Variants in MYO16 observed in about 807,000 individuals in gnomAD.
MYO16 encodes the protein unconventional myosin-XVI.
A neutral mutation model predicts 205.3 loss-of-function variants in MYO16; 94 were observed. That is an observed-to-expected ratio of 0.46 (90% CI 0.39 to 0.54). MYO16 has a LOEUF of 0.54. Among genes scored for constraint, MYO16 ranks in the 20% least tolerant of loss-of-function variants. The pLI is 0.00. For synonymous variants in MYO16, 988 were observed against 954.0 expected, an observed-to-expected ratio of 1.04 and a Z score of -0.66; for missense variants, 2,315 against 2,387.5, an observed-to-expected ratio of 0.97 and a Z score of 0.63.
chr13:108,906,383 T>G (rs1880979002), intron 15 of MYO16, among the ~76,000 whole-genome samples: 2 of 152,224 alleles, frequency 1.3e-5, no homozygotes, highest in Admixed American at 6.5e-5. Flanking sequence ...TTAGGAAATT[T>G]AAACCTTAAA....
intron 4 of MYO16, among the ~76,000 whole-genome samples, chr13:108,740,109 G>T (rs1353767902): frequency 6.7e-6 from 1 of 148,966 alleles, no homozygotes; most frequent in African/African-American, 2.5e-5. Context: ...GAGAAGTTTG[G>T]TTGTCTGAAG....
chr13:109,090,548 G>A (rs1028054781), intron 27 of MYO16, among the ~76,000 whole-genome samples: 4 of 152,168 alleles, frequency 2.6e-5, no homozygotes, highest in Non-Finnish European at 5.9e-5. Flanking sequence ...GCAAGAAGGG[G>A]TGGGCAGGAG....
the MYO16 span, among the ~76,000 whole-genome samples, chr13:108,508,666 T>C: frequency 1.3e-5 from 2 of 152,176 alleles, no homozygotes; most frequent in Admixed American, 1.3e-4. Context: ...TTGAGAGTTT[T>C]CTCCCAGCTG....
At chr13:108,844,602 C>A in intron 10 of MYO16, 109 bp downstream of exon 10, 1 of 1,092,524 alleles carries the variant, frequency 9.2e-7, no homozygotes, top group Non-Finnish European at 1.3e-6. Flanking sequence ...CATTCAAAGA[C>A]AATTAATGCA....
intron 10 of MYO16, 28 bp downstream of exon 10, chr13:108,844,521 C>G (rs1269604378): frequency 6.4e-7 from 1 of 1,555,710 alleles, no homozygotes; most frequent in Non-Finnish European, 8.7e-7. Flanking sequence ...GTGTGTCTAC[C>G]AGTACTTTTT....
intron 10 of MYO16, among the ~76,000 whole-genome samples, chr13:108,849,267 T>C (rs1456230831): frequency 1.3e-5 from 2 of 152,166 alleles, no homozygotes; most frequent in Non-Finnish European, 2.9e-5. Context: ...CTCAGCTCAC[T>C]GCAACCTCCG....
At chr13:108,715,911 T>C (rs563366952) in intron 3 of MYO16, among the ~76,000 whole-genome samples, 3 of 152,338 alleles carry the variant, frequency 2.0e-5, no homozygotes, top group African/African-American at 7.2e-5. Context: ...ATGGAATATG[T>C]GGCTTTTTCT....
rs766790067 is a variant in MYO16 at position 108,823,294 on chromosome 13, C to T, written c.1097+16C>T. On this transcript the variant is annotated intron_variant, in intron 9 of 34. Coordinates refer to ENST00000457511, the MANE Select transcript of MYO16 (RefSeq NM_001198950.3). The stretch of plus-strand genomic sequence containing the variant: ...CGAGTAAGCTGTAAGTGTCTTCCTG[C>T]TTATTCTCTTTTGCCATCTTCTCTA... 2.5e-6 allele frequency: 4 copies of T among 1,585,194 alleles called. No individual in the cohort carries two copies. Among genetic ancestry groups the T allele is most frequent in the Non-Finnish European group, 3.4e-6 (4 of 1,164,992 alleles).
At chr13:109,042,853 G>T (rs984096420) in intron 23 of MYO16, among the ~76,000 whole-genome samples, 3 of 152,110 alleles carry the variant, frequency 2.0e-5, no homozygotes, top group Admixed American at 2.0e-4. Flanking sequence ...TGTCCTTTTA[G>T]CAATAAAAAA....
intron 34 of MYO16, among the ~76,000 whole-genome samples, chr13:109,183,220 CG>C (rs1409960912): frequency 6.6e-6 from 1 of 151,938 alleles, no homozygotes; most frequent in Non-Finnish European, 1.5e-5. Context: ...AGCTAAGCGG[CG>C]GTGGGGGGGA....
chr13:109,076,975 A>G (rs1181589655), intron 27 of MYO16, among the ~76,000 whole-genome samples: 1 of 148,290 alleles, frequency 6.7e-6, no homozygotes, highest in East Asian at 2.0e-4. Context: ...TTTCAGCTCA[A>G]TTTATTTATT....
intron 4 of MYO16, among the ~76,000 whole-genome samples, chr13:108,753,142 G>A (rs1263839893): frequency 6.6e-6 from 1 of 151,568 alleles, no homozygotes; most frequent in Non-Finnish European, 1.5e-5. Context: ...GGCCGAGGTG[G>A]GTGGATCACG....
chr13:109,107,666 C>G (rs1226337948), intron 28 of MYO16, among the ~76,000 whole-genome samples: 2 of 151,856 alleles, frequency 1.3e-5, no homozygotes, highest in African/African-American at 2.4e-5. Flanking sequence ...TAATTACAAG[C>G]TAGAAAATAG....
intron 20 of MYO16, among the ~76,000 whole-genome samples, chr13:108,970,210 A>G (rs1883958073): frequency 6.6e-6 from 1 of 152,240 alleles, no homozygotes; most frequent in Non-Finnish European, 1.5e-5. Flanking sequence ...GAGTTGCCTT[A>G]TACTTATTTC....
intron 2 of MYO16, 139 bp from the exon 3 acceptor site, chr13:108,712,522 G>A (rs1883759202): frequency 1.4e-6 from 1 of 722,834 alleles, no homozygotes. Flanking sequence ...ATAATAAATA[G>A]GGTCAGATGG....
intron 16 of MYO16, among the ~76,000 whole-genome samples, chr13:108,930,407 A>G (rs995583456): frequency 6.6e-6 from 1 of 152,224 alleles, no homozygotes; most frequent in Non-Finnish European, 1.5e-5. Context: ...TTACAAAGAT[A>G]GAGACATAAT....
At chr13:108,706,873 A>G (rs1457794947) in intron 2 of MYO16, among the ~76,000 whole-genome samples, 1 of 152,178 alleles carries the variant, frequency 6.6e-6, no homozygotes, top group African/African-American at 2.4e-5. Flanking sequence ...TAACTGGTTG[A>G]AGACTGTGAG....
chr13:108,825,599 AAATAAATG>A (rs1002152642), intron 9 of MYO16, among the ~76,000 whole-genome samples: 37 of 151,620 alleles, frequency 2.4e-4, no homozygotes, highest in South Asian at 1.7e-3. Flanking sequence ...ATAAATAAAT[AAATAAATG>A]AATAGTATCC....
At chr13:108,923,968 G>A (rs983970173) in intron 16 of MYO16, among the ~76,000 whole-genome samples, 18 of 152,014 alleles carry the variant, frequency 1.2e-4, no homozygotes, top group Non-Finnish European at 1.8e-4. Context: ...AACTTTTTCC[G>A]TTTTGACATT....
Sources: gnomAD v4.1 joint callset for allele counts (sites outside exome capture counted in the v4.1 genomes callset) on GRCh38, gnomAD v4.1.1 for gene constraint, MANE v1.5 for transcripts, NCBI Gene and HGNC (gene_info 2026-07-23, HGNC 2026-07-21) for gene names.